LTBP4: variants seen among roughly 807,000 people sequenced by gnomAD.
The protein encoded by LTBP4 is latent transforming growth factor beta binding protein 4.
In LTBP4, 93 loss-of-function variants were observed where a neutral mutation model predicts 180.2. That is an observed-to-expected ratio of 0.52 (90% confidence interval 0.44 to 0.61). LTBP4 has a LOEUF of 0.61. LTBP4 is among the 20% of genes least tolerant of loss of function. The pLI is 0.00. For missense variants in LTBP4, 2,116 were observed against 2,256.5 expected (o/e 0.94, Z 1.26); for synonymous variants, 947 against 934.5 (o/e 1.01, Z -0.24).
At chr19:40,621,306 A>G (rs1053434373) in intron 22 of LTBP4, among the ~76,000 whole-genome samples, 2 of 152,076 alleles carry the variant, frequency 1.3e-5, no homozygotes, top group Non-Finnish European at 2.9e-5. Context: ...CCCAGCAACT[A>G]TTGTGGGCAT....
intron 1 of LTBP4, among the ~76,000 whole-genome samples, chr19:40,595,354 C>T (rs920704572): frequency 5.9e-5 from 9 of 152,100 alleles, no homozygotes; most frequent in Non-Finnish European, 1.0e-4. Context: ...CCCTAGGCTT[C>T]AGGGGTTCCA....
At chr19:40,598,907 AATC>A (rs3071336), upstream of LTBP4, among the ~76,000 whole-genome samples, 827 of 152,216 alleles carry the variant, frequency 5.4e-3, 15 homozygotes, top group African/African-American at 0.018. Flanking sequence ...TTTGTTTTTT[AATC>A]ACTTTTAAAA....
rs2081591351 is a variant in LTBP4 at position 40,622,328 on chromosome 19, A to G, written c.3218-73A>G. ...CTGTTTCCCTATCTATGCCAGCCTCAGTTTCCCCATCTATGATAGTGGCGG... is the reference window on the plus strand; with the variant it reads ...CTGTTTCCCTATCTATGCCAGCCTCGGTTTCCCCATCTATGATAGTGGCGG... On this transcript the variant is annotated intron_variant, in intron 22 of 29. Transcript: ENST00000396819. The surrounding 1 kb of genome is among the most constrained non-coding windows in gnomAD (Gnocchi z 5.1). 3 of 1,427,388 alleles carry G rather than the reference A, an allele frequency of 2.1e-6. No homozygotes were observed. The highest frequency in any genetic ancestry group is 1.4e-5 in the African/African-American group (1 of 69,564). The allele number at this position is 1,427,388 out of a possible 1,614,324, so 88.4% of individuals were successfully genotyped here.
At chr19:40,602,153 G>A (rs1424907737) in intron 1 of LTBP4, among the ~76,000 whole-genome samples, 1 of 138,254 alleles carries the variant, frequency 7.2e-6, no homozygotes, top group Admixed American at 7.1e-5. Context: ...GGTTGTGTGT[G>A]TGTGTGTGTG....
At chr19:40,604,902 A>T (rs1209220898) in intron 1 of LTBP4, 133 bp from the exon 2 acceptor site, 1 of 755,492 alleles carries the variant, frequency 1.3e-6, no homozygotes, top group East Asian at 2.7e-5. Context: ...TGCTGATGCC[A>T]GAATTGGGGC....
intron 18 of LTBP4, 72 bp from the exon 19 acceptor site, chr19:40,614,243 C>A: frequency 1.3e-6 from 2 of 1,554,502 alleles, no homozygotes; most frequent in African/African-American, 1.3e-5. Context: ...TTCTGACTCT[C>A]CTCTCCCCTC....
exon 1 of LTBP4, chr19:40,593,167 T>A (rs1250364777): frequency 1.2e-6 from 2 of 1,613,876 alleles, no homozygotes; most frequent in Non-Finnish European, 1.7e-6. Flanking sequence ...GGAACACAAA[T>A]GGGAGACGTA....
intron 29 of LTBP4, among the ~76,000 whole-genome samples, chr19:40,628,303 G>T (rs2081652223): frequency 6.6e-6 from 1 of 152,322 alleles, no homozygotes; most frequent in Non-Finnish European, 1.5e-5. Context: ...CACTTTGGGA[G>T]GCCGAGGCGG....
In LTBP4 at chr19:40,629,537, G is replaced by A. The variant is rs753522279; in HGVS notation, c.4661G>A (p.Arg1554Gln). Residue 1554 changes from arginine to glutamine, a missense_variant, in exon 30 of 30, where the codon CGG becomes CAG. Physicochemically the swap from Arg to Gln is conservative, Grantham distance 43. This residue lies in a region of LTBP4 where 488 missense variants were observed against 458.8 expected (regional missense o/e 1.06). Coordinates refer to ENST00000396819, the MANE Select transcript of LTBP4 (RefSeq NM_001042545.2). This position sits in a 1 kb window ranked among gnomAD's most constrained non-coding sequence, Gnocchi z 4.5. Reference protein sequence around the residue: ...THQPHHCAPARPRA With the variant: ...THQPHHCAPAQPRA ...CAGCCGCACCACTGTGCGCCCGCAC[G>A]GCCCCGGGCCTGAGCCCTGGCACCC... 20 of 1,514,502 alleles carry A rather than the reference G, an allele frequency of 1.3e-5. No homozygotes were observed. Among genetic ancestry groups the A allele is most frequent in the Non-Finnish European group, 1.8e-5 (20 of 1,131,254 alleles). The allele number at this position is 1,514,502 out of a possible 1,614,324, so 93.8% of individuals were successfully genotyped here. A position where few individuals can be genotyped will look rare whatever the true frequency, so the allele number is the denominator to read the frequency against.
intron 28 of LTBP4, 128 bp downstream of exon 28, chr19:40,627,483 G>T: frequency 7.5e-7 from 1 of 1,326,030 alleles, no homozygotes; most frequent in Non-Finnish European, 1.0e-6. Flanking sequence ...CACAGAAAGG[G>T]ACAGAGAAGT....
At chr19:40,599,282 T>C (rs1473912572), upstream of LTBP4, 6 of 1,613,196 alleles carry the variant, frequency 3.7e-6, no homozygotes, top group Non-Finnish European at 5.1e-6. Context: ...GGAGTATGAG[T>C]AGGGGGCAAA....
At chr19:40,610,450 G>T (rs904555756) in intron 11 of LTBP4, 82 bp from the exon 12 acceptor site, 4 of 1,488,894 alleles carry the variant, frequency 2.7e-6, no homozygotes, top group Non-Finnish European at 3.6e-6. Context: ...TCCCGCTCCC[G>T]CTTCCCTCTA....
chr19:40,601,912 G>A (rs946405803), intron 1 of LTBP4, among the ~76,000 whole-genome samples: 1 of 151,980 alleles, frequency 6.6e-6, no homozygotes, highest in African/African-American at 2.4e-5. Context: ...GCGTCAAAAT[G>A]GGGATCTCAG....
Position 40,613,768 on chromosome 19 carries a change from G to C in LTBP4, c.2558-148G>C. The C allele has an allele frequency of 3.0e-6, 4 of 1,323,050 alleles. No homozygotes were observed. The highest frequency in any genetic ancestry group is 4.2e-6 in the Non-Finnish European group (4 of 951,518). 82.0% of individuals were successfully genotyped at this position (1,323,050 alleles called of 1,614,324 possible). On this transcript the variant is annotated intron_variant, in intron 17 of 29. Transcript: ENST00000396819. The surrounding 1 kb of genome is among the most constrained non-coding windows in gnomAD (Gnocchi z 5.0). Reference sequence around the variant, plus strand: ...AGAAGCTGTTCTAAACCCGTCGGGGGGCGGTGTTTGCAGGGAGGGAAGTAG... The same window carrying C: ...AGAAGCTGTTCTAAACCCGTCGGGGCGCGGTGTTTGCAGGGAGGGAAGTAG...
rs1273216247 is a variant in LTBP4 at position 40,627,709 on chromosome 19, C to T, written c.4371C>T (p.Ser1457=). Residue 1457 remains serine (S), a synonymous_variant, in exon 29 of 30, where the codon TCC becomes TCT. Transcript: ENST00000396819. ...EPPEGGSYAG[S]LAEPYEELEA... is the part of the protein sequence containing the mutation. ...GGGTCCCCGCATTTCCCACAGGTTCCCTGGCTGAGCCCTACGAGGAGCTGG... is the reference window on the plus strand; with the variant it reads ...GGGTCCCCGCATTTCCCACAGGTTCTCTGGCTGAGCCCTACGAGGAGCTGG... 1.3e-6 allele frequency: 2 copies of T among 1,592,370 alleles called. No homozygotes were observed. Among genetic ancestry groups the T allele is most frequent in the Non-Finnish European group, 1.7e-6 (2 of 1,170,878 alleles).
At chr19:40,607,987 C>T (rs1020312996) in intron 7 of LTBP4, among the ~76,000 whole-genome samples, 1 of 152,186 alleles carries the variant, frequency 6.6e-6, no homozygotes, top group East Asian at 1.9e-4. Flanking sequence ...CCGGACCCTG[C>T]CCTCAACCCT....
chr19:40,621,514 C>A (rs2081586058), intron 22 of LTBP4, among the ~76,000 whole-genome samples: 1 of 152,064 alleles, frequency 6.6e-6, no homozygotes, highest in African/African-American at 2.4e-5. Flanking sequence ...AAGATAGAAT[C>A]AGATTTTGAA....
intron 27 of LTBP4, 131 bp from the exon 28 acceptor site, chr19:40,626,844 G>T: frequency 8.7e-7 from 1 of 1,144,586 alleles, no homozygotes; most frequent in South Asian, 2.4e-5. Context: ...CTCAGCGCTG[G>T]CTCCAGAAAC....
In LTBP4 at chr19:40,622,749, C is replaced by T. The variant is rs2081595502; in HGVS notation, c.3484+82C>T. Reference sequence around the variant, plus strand: ...GGGTGTGGGCCTGGGACAGGGGACACTTTTGGACAGGGCCTTGAGGTACTA... The same window carrying T: ...GGGTGTGGGCCTGGGACAGGGGACATTTTTGGACAGGGCCTTGAGGTACTA... On this transcript the variant is annotated intron_variant, in intron 23 of 29. Transcript: ENST00000396819. The surrounding 1 kb of genome is among the most constrained non-coding windows in gnomAD (Gnocchi z 5.1). The T allele has an allele frequency of 1.3e-6, 2 of 1,495,110 alleles. No homozygotes were observed. The highest frequency in any genetic ancestry group is 2.6e-5 in the South Asian group (2 of 76,376). 92.6% of individuals were successfully genotyped at this position (1,495,110 alleles called of 1,614,324 possible).
Sources: gnomAD v4.1 joint callset for allele counts (sites outside exome capture counted in the v4.1 genomes callset) on GRCh38, gnomAD v4.1.1 for gene constraint, gnomAD v4.1.1 regional missense constraint, Gnocchi (gnomAD v3.1) non-coding constraint, MANE v1.5 for transcripts, NCBI Gene and HGNC (gene_info 2026-07-23, HGNC 2026-07-21) for gene names.